The following NCOA7 variants were observed in gnomAD, a reference collection of about 807,000 sequenced individuals.
The protein encoded by NCOA7 is 140 kDa estrogen receptor-associated protein.
A neutral mutation model predicts 104.3 loss-of-function variants in NCOA7; 45 were observed. That is an observed-to-expected ratio of 0.43 (90% CI 0.34 to 0.55). The LOEUF is 0.55. NCOA7 is among the 20% of genes least tolerant of loss of function. NCOA7 has a pLI of 0.02. For missense variants in NCOA7, 1,041 were observed against 1,119.7 expected, an observed-to-expected ratio of 0.93 and a Z score of 1.00; for synonymous variants, 398 against 402.3, an observed-to-expected ratio of 0.99 and a Z score of 0.13.
chr6:125,799,443 CTTT>C (rs35143077), intron 1 of NCOA7, among the ~76,000 whole-genome samples: 16 of 137,978 alleles, frequency 1.2e-4, no homozygotes, highest in Admixed American at 1.5e-4. Flanking sequence ...CTTAGTTGTT[CTTT>C]TTTTTTTTTT....
At chr6:125,833,085 C>T (rs1490393485) in intron 2 of NCOA7, among the ~76,000 whole-genome samples, 1 of 152,180 alleles carries the variant, frequency 6.6e-6, no homozygotes, top group African/African-American at 2.4e-5. Flanking sequence ...AAAACTTCTG[C>T]TCCAGTTTGT....
At chr6:125,870,074 A>G (rs72969777) in intron 3 of NCOA7, among the ~76,000 whole-genome samples, 16,962 of 152,188 alleles carry the variant, frequency 0.11, 1,097 homozygotes, top group African/African-American at 0.18. Flanking sequence ...CATCATAACC[A>G]TACAGGTAGC....
intron 1 of NCOA7, among the ~76,000 whole-genome samples, chr6:125,809,213 G>C (rs566405139): frequency 2.0e-5 from 3 of 151,796 alleles, no homozygotes; most frequent in Non-Finnish European, 4.4e-5. Flanking sequence ...TTTTGAGAGA[G>C]AGTCTCTCTC....
intron 1 of NCOA7, among the ~76,000 whole-genome samples, chr6:125,806,304 G>A (rs1233438616): frequency 6.6e-6 from 1 of 152,116 alleles, no homozygotes; most frequent in Non-Finnish European, 1.5e-5. Flanking sequence ...TCGTGGCACT[G>A]CACTCCCGCC....
intron 3 of NCOA7, 79 bp from the exon 4 acceptor site, chr6:125,874,810 G>A (rs1332143971): frequency 1.9e-6 from 2 of 1,068,086 alleles, no homozygotes; most frequent in South Asian, 1.4e-5. Context: ...TTGAAAGTGG[G>A]TTTCTATATA....
rs59737297 is a variant in NCOA7, at chr6:125,805,087, C to CTTTTTT, written c.-64-10181_-64-10176dup. Among the ~76,000 whole-genome samples the CTTTTTT allele has an allele frequency of 1.6e-3, 90 of 58,030 alleles. 3 individuals are homozygous for CTTTTTT. The highest frequency in any genetic ancestry group is 1.8e-3 in the Non-Finnish European group (53 of 29,612). 38.1% of individuals were successfully genotyped at this position (58,030 alleles called of 152,430 possible). Reference sequence around the variant, plus strand: ...ATAAAGCTGGGTTCACCCTCTTGTTCTTTTTTTTTTTTTTTTTTTTTTTTT... The same window carrying CTTTTTT: ...ATAAAGCTGGGTTCACCCTCTTGTTCTTTTTTTTTTTTTTTTTTTTTTTTTTTTTTT... On this transcript the variant is annotated intron_variant, in intron 1 of 15. Transcript: ENST00000392477.
chr6:125,922,552 C>A, intron 12 of NCOA7, 130 bp from the exon 13 acceptor site: 2 of 1,063,356 alleles, frequency 1.9e-6, no homozygotes, highest in Non-Finnish European at 2.7e-6. Flanking sequence ...AAATATTTGC[C>A]AGAATAAGGA....
At chr6:125,878,860 C>T (rs1391686547) in intron 5 of NCOA7, among the ~76,000 whole-genome samples, 1 of 152,308 alleles carries the variant, frequency 6.6e-6, no homozygotes, top group South Asian at 2.1e-4. Flanking sequence ...TTCACCCCTG[C>T]CCATGATCCA....
intron 8 of NCOA7, among the ~76,000 whole-genome samples, chr6:125,887,103 G>A (rs573965976): frequency 1.3e-5 from 2 of 152,324 alleles, no homozygotes; most frequent in South Asian, 2.1e-4. Flanking sequence ...ATCTCAAGTG[G>A]GGAATGGACA....
chr6:125,852,852 G>A (rs894283600), intron 2 of NCOA7, among the ~76,000 whole-genome samples: 12 of 151,882 alleles, frequency 7.9e-5, no homozygotes, highest in Middle Eastern at 3.2e-3. Flanking sequence ...ATGTGATGTC[G>A]GGTAATGTGA....
At chr6:125,805,138 C>G (rs1271759265) in intron 1 of NCOA7, among the ~76,000 whole-genome samples, 1 of 146,980 alleles carries the variant, frequency 6.8e-6, no homozygotes, top group African/African-American at 2.6e-5. Context: ...CTCCGTCGCC[C>G]AGGCTGGAAT....
At chr6:125,927,867 C>A in intron 14 of NCOA7, 109 bp downstream of exon 14, 1 of 950,670 alleles carries the variant, frequency 1.1e-6, no homozygotes, top group Non-Finnish European at 1.7e-6. Context: ...CCTGAACTGA[C>A]TCCGGGCTGG....
intron 10 of NCOA7, among the ~76,000 whole-genome samples, chr6:125,910,242 T>G (rs1033076924): frequency 5.9e-5 from 9 of 152,218 alleles, no homozygotes; most frequent in Admixed American, 3.9e-4. Flanking sequence ...GCCTGGCTGA[T>G]AGTACCAGGC....
chr6:125,826,019 A>G (rs531623472), intron 2 of NCOA7, among the ~76,000 whole-genome samples: 27 of 152,180 alleles, frequency 1.8e-4, no homozygotes, highest in Non-Finnish European at 2.4e-4. Context: ...ATTTAAGCAC[A>G]CTTTATACGA....
chr6:125,818,093 C>T lies in NCOA7; in HGVS notation c.50+2689C>T, dbSNP rs553339634. On this transcript the variant is annotated intron_variant, in intron 2 of 15. Coordinates refer to ENST00000392477, the MANE Select transcript of NCOA7 (RefSeq NM_181782.5). ...CCCCCTTCCTTCTTTCTCCCACCTC[C>T]TCCTTCCTCCTCCTCCTTACTTTCT... 2.6e-5 allele frequency among the ~76,000 whole-genome samples: 4 copies of T among 151,468 alleles called. No homozygotes were observed. The South Asian group carries it at 8.4e-4, about 32-fold the overall frequency.
At chr6:125,821,686 G>T (rs991833297) in intron 2 of NCOA7, among the ~76,000 whole-genome samples, 1 of 152,138 alleles carries the variant, frequency 6.6e-6, no homozygotes, top group African/African-American at 2.4e-5. Flanking sequence ...TAATGTCAGA[G>T]TATTAACCTA....
Position 125,928,725 on chromosome 6 carries a change from A to C in NCOA7, c.2783A>C (p.Lys928Thr). ...TTCAATAATGATATTCTTTCCAAAA[A>C]GGAAGACTTCATAGTTCAGGATCTG... ...STFNNDILSK[K>T]EDFIVQDLEV... Residue 928 changes from lysine to threonine, a missense_variant, in exon 16 of 16, where the codon AAG (lysine) becomes ACG (threonine). Around this residue, in one of 2 missense-constraint regions of NCOA7, gnomAD observed 127 missense variants for 177.0 expected, o/e 0.72. Coordinates refer to ENST00000392477, the MANE Select transcript of NCOA7 (RefSeq NM_181782.5). 6.2e-7 allele frequency: 1 copy of C among 1,613,966 alleles called. No individual in the cohort carries two copies. The highest frequency in any genetic ancestry group is 2.2e-5 in the East Asian group (1 of 44,874).
chr6:125,797,005 A>C (rs1775401309), intron 1 of NCOA7, among the ~76,000 whole-genome samples: 1 of 152,148 alleles, frequency 6.6e-6, no homozygotes, highest in Non-Finnish European at 1.5e-5. Context: ...ACTAATTCTC[A>C]AACATTGTGT....
At chr6:125,926,758 A>G (rs1788073253) in intron 13 of NCOA7, among the ~76,000 whole-genome samples, 1 of 152,216 alleles carries the variant, frequency 6.6e-6, no homozygotes, top group Non-Finnish European at 1.5e-5. Context: ...TAATTTTTGA[A>G]AAATGCTATG....
Sources: allele counts gnomAD v4.1 joint callset (sites outside exome capture counted in the v4.1 genomes callset), GRCh38; gene constraint gnomAD v4.1.1; regional missense constraint gnomAD v4.1.1; transcripts MANE v1.5; gene names NCBI Gene and HGNC (gene_info 2026-07-23, HGNC 2026-07-21).